PHTF2: variants seen among roughly 807,000 people sequenced by gnomAD.
PHTF2 encodes putative homeodomain transcription factor 2.
In PHTF2, 60 loss-of-function variants were observed where a neutral mutation model predicts 101.2. The ratio of observed to expected loss-of-function variants is 0.59; its 90% CI spans 0.48 to 0.73. The LOEUF is 0.73. Ranked by LOEUF, PHTF2 falls within the 30% of genes least tolerant of loss-of-function variation. PHTF2 has a pLI of 0.00. For missense variants in PHTF2, 747 were observed against 908.7 expected (o/e 0.82, Z 2.29); for synonymous variants, 311 against 307.3 (o/e 1.01, Z -0.13).
chr7:77,809,031 A>G (rs1376713967), intron 1 of PHTF2, among the ~76,000 whole-genome samples: 1 of 151,998 alleles, frequency 6.6e-6, no homozygotes, highest in Non-Finnish European at 1.5e-5. Context: ...TACCATTTTG[A>G]TTTTTATTAT....
intron 8 of PHTF2, 67 bp downstream of exon 7, chr7:77,909,025 T>A (rs1456855915): frequency 1.7e-5 from 17 of 1,027,776 alleles, no homozygotes; most frequent in Middle Eastern, 4.5e-4. Flanking sequence ...TGTTCTTGAC[T>A]CCTCTTACCT....
At chr7:77,869,516 T>C (rs1798351047) in intron 3 of PHTF2, among the ~76,000 whole-genome samples, 1 of 152,214 alleles carries the variant, frequency 6.6e-6, no homozygotes, top group South Asian at 2.1e-4. Flanking sequence ...TATGACTGGC[T>C]TATTTCATTT....
chr7:77,889,865 C>G (rs1383545166), intron 3 of PHTF2, among the ~76,000 whole-genome samples: 1 of 152,078 alleles, frequency 6.6e-6, no homozygotes, highest in African/African-American at 2.4e-5. Flanking sequence ...TCCCAAAGTG[C>G]TGGGATTACA....
chr7:77,856,601 A>T (rs1337853088), intron 3 of PHTF2, among the ~76,000 whole-genome samples: 1 of 152,108 alleles, frequency 6.6e-6, no homozygotes, highest in East Asian at 1.9e-4. Flanking sequence ...AAGTCCTGGG[A>T]TTACAGGTGT....
exon 10 of PHTF2, chr7:77,920,425 C>G (rs761582191): frequency 1.2e-6 from 2 of 1,613,346 alleles, no homozygotes; most frequent in Admixed American, 3.3e-5. Flanking sequence ...CCAGAAGAGA[C>G]AGCCTGGAAC....
chr7:77,893,565 G>T, intron 3 of PHTF2, 43 bp from the exon 3 acceptor site: 1 of 785,492 alleles, frequency 1.3e-6, no homozygotes, highest in Non-Finnish European at 2.2e-6. Flanking sequence ...CTATTTGATG[G>T]GTACCAGCAA....
chr7:77,880,668 G>A (rs1304784133), intron 3 of PHTF2, among the ~76,000 whole-genome samples: 5 of 152,232 alleles, frequency 3.3e-5, no homozygotes, highest in Non-Finnish European at 5.9e-5. Flanking sequence ...GGCTACACAC[G>A]TGCATCAGGC....
At chr7:77,874,524 G>A (rs769347638) in intron 3 of PHTF2, among the ~76,000 whole-genome samples, 6 of 152,196 alleles carry the variant, frequency 3.9e-5, no homozygotes, top group East Asian at 1.9e-4. Context: ...CTTGGAATCC[G>A]CTGTTCCAGG....
intron 18 of PHTF2, among the ~76,000 whole-genome samples, chr7:77,952,079 T>A (rs1433806786): frequency 2.0e-5 from 3 of 152,094 alleles, no homozygotes; most frequent in Non-Finnish European, 4.4e-5. Flanking sequence ...TTGGCCTGAG[T>A]TAGCTTAAAA....
At chr7:77,834,729 TG>T (rs1384825530) in intron 1 of PHTF2, among the ~76,000 whole-genome samples, 1 of 152,230 alleles carries the variant, frequency 6.6e-6, no homozygotes, top group African/African-American at 2.4e-5. Context: ...TATCAGAACT[TG>T]GATCTAGAAC....
chr7:77,819,367 G>C (rs993019542), intron 1 of PHTF2, among the ~76,000 whole-genome samples: 4 of 152,166 alleles, frequency 2.6e-5, no homozygotes, highest in African/African-American at 7.2e-5. Flanking sequence ...TGTTAGCTTT[G>C]GCTTTGCCAT....
rs545922925 is a variant in PHTF2, at chr7:77,840,929, T to C, written c.45+629T>C. 9.9e-5 allele frequency among the ~76,000 whole-genome samples: 15 copies of C among 152,236 alleles called. No individual in the cohort carries two copies. The East Asian group carries it at 2.7e-3, about 27-fold the overall frequency. On this transcript the variant is annotated intron_variant, in intron 2 of 19. Transcript: ENST00000416283. ...ATATTCTTTAAAATTTATGTTGTTTTGTGTAATACCTTAGATCTTTTGTGT... is the reference window on the plus strand; with the variant it reads ...ATATTCTTTAAAATTTATGTTGTTTCGTGTAATACCTTAGATCTTTTGTGT...
intron 1 of PHTF2, among the ~76,000 whole-genome samples, chr7:77,814,016 A>G (rs1319300443): frequency 4.6e-5 from 7 of 152,246 alleles, no homozygotes; most frequent in Admixed American, 4.6e-4. Context: ...ATTTAAAGCC[A>G]CATACCCTAA....
At chr7:77,882,420 G>A (rs1181619411) in intron 3 of PHTF2, among the ~76,000 whole-genome samples, 1 of 151,328 alleles carries the variant, frequency 6.6e-6, no homozygotes, top group African/African-American at 2.4e-5. Context: ...ACTTTTTTTA[G>A]TAACACTTTT....
intron 3 of PHTF2, among the ~76,000 whole-genome samples, chr7:77,891,439 G>C (rs1800397587): frequency 6.6e-6 from 1 of 151,650 alleles, no homozygotes; most frequent in Non-Finnish European, 1.5e-5. Context: ...TAACCAGTTG[G>C]TTGTTGTTTA....
chr7:77,953,901 G>A lies in PHTF2; in HGVS notation c.2337+7G>A, dbSNP rs1369854107. ...GCTTGGATTTAATTTAAAGGTAAGA[G>A]GTTGCAAGTACTTTTTATTTCTTAG... On this transcript the variant is annotated splice_region_variant and intron_variant, in intron 19 of 19. Coordinates refer to ENST00000416283, the Ensembl canonical transcript of PHTF2. 8 of 1,612,320 alleles carry A rather than the reference G, an allele frequency of 5.0e-6. No individual in the cohort carries two copies. In the African/African-American group the frequency reaches 9.4e-5, roughly 19 times the overall value.
chr7:77,821,703 C>CT (rs1369986161), intron 1 of PHTF2, among the ~76,000 whole-genome samples: 43 of 152,124 alleles, frequency 2.8e-4, no homozygotes, highest in African/African-American at 9.2e-4. Context: ...ATGAATCTGT[C>CT]TACCGGGGGG....
intron 9 of PHTF2, among the ~76,000 whole-genome samples, chr7:77,914,532 C>T (rs1802721476): frequency 6.6e-6 from 1 of 152,132 alleles, no homozygotes; most frequent in African/African-American, 2.4e-5. Context: ...CCTTCCCCCT[C>T]AGCTTGGAAA....
intron 3 of PHTF2, among the ~76,000 whole-genome samples, chr7:77,882,493 T>C (rs888526820): frequency 6.6e-6 from 1 of 152,182 alleles, no homozygotes; most frequent in African/African-American, 2.4e-5. Context: ...GCAAAGAGAT[T>C]TGCAAGTGGT....
Sources: allele counts gnomAD v4.1 joint callset (sites outside exome capture counted in the v4.1 genomes callset), GRCh38; gene constraint gnomAD v4.1.1; transcripts MANE v1.5; gene names NCBI Gene and HGNC (gene_info 2026-07-23, HGNC 2026-07-21).